The following ATXN2 variants were observed in gnomAD, a reference collection of about 807,000 sequenced individuals.
ATXN2 encodes ataxin-2.
Under a neutral mutation model 138.6 loss-of-function variants are expected in ATXN2, and 37 were observed. That is an observed-to-expected ratio of 0.27 (90% CI 0.21 to 0.35). The LOEUF (loss-of-function observed/expected upper bound fraction) is 0.35, where lower values mean the gene tolerates loss of function less well. Ranked by LOEUF, ATXN2 falls within the 10% of genes least tolerant of loss-of-function variation. The pLI is 1.00. For synonymous variants in ATXN2, 549 were observed against 543.7 expected (o/e 1.01, Z -0.13); for missense variants, 1,216 against 1,480.3 (o/e 0.82, Z 2.93).
intron 21 of ATXN2, 37 bp downstream of exon 21, chr12:111,464,625 T>C: frequency 2.6e-6 from 4 of 1,527,154 alleles, no homozygotes; most frequent in Non-Finnish European, 3.6e-6. Flanking sequence ...AGTGTTTTAC[T>C]GTACAATTAA....
At chr12:111,543,993 G>A (rs1015316892) in intron 5 of ATXN2, among the ~76,000 whole-genome samples, 2 of 152,026 alleles carry the variant, frequency 1.3e-5, no homozygotes, top group East Asian at 1.9e-4. Context: ...TGGGAGAGTC[G>A]CTTGAGCCAG....
chr12:111,586,398 T>G (rs545179860), intron 1 of ATXN2, among the ~76,000 whole-genome samples: 13,701 of 143,594 alleles, frequency 0.095, 2,312 homozygotes, highest in African/African-American at 0.34. Context: ...GTTTTTTTTT[T>G]TTTTTTTTTT....
intron 18 of ATXN2, chr12:111,471,042 C>T: frequency 3.1e-6 from 1 of 317,748 alleles, no homozygotes; most frequent in Non-Finnish European, 6.0e-6. Flanking sequence ...GATCAAGTCC[C>T]TGTAACAGAC....
chr12:111,530,231 C>T (rs1484232064), intron 5 of ATXN2, among the ~76,000 whole-genome samples: 1 of 152,134 alleles, frequency 6.6e-6, no homozygotes, highest in African/African-American at 2.4e-5. Context: ...TAAGTCTGGA[C>T]GAGGTGGGGA....
intron 15 of ATXN2, among the ~76,000 whole-genome samples, chr12:111,488,015 T>C (rs774652158): frequency 2.6e-5 from 4 of 152,200 alleles, no homozygotes; most frequent in Non-Finnish European, 4.4e-5. Context: ...GAATTAAGTC[T>C]ATCTTAACAA....
chr12:111,478,827 T>C (rs145884066), intron 18 of ATXN2, among the ~76,000 whole-genome samples: 8 of 151,746 alleles, frequency 5.3e-5, no homozygotes, highest in Non-Finnish European at 1.0e-4. Flanking sequence ...GCCAACGTGG[T>C]GAAACCCCGT....
At chr12:111,527,144 G>A (rs1880546919) in intron 5 of ATXN2, among the ~76,000 whole-genome samples, 1 of 152,164 alleles carries the variant, frequency 6.6e-6, no homozygotes, top group Non-Finnish European at 1.5e-5. Flanking sequence ...GCTAAATAAA[G>A]GCCCACTGGG....
chr12:111,492,552 C>T (rs905482862), intron 14 of ATXN2, among the ~76,000 whole-genome samples: 4 of 152,034 alleles, frequency 2.6e-5, no homozygotes, highest in South Asian at 4.1e-4. Context: ...CGTGGTGGCA[C>T]GCACCTGTAA....
chr12:111,573,216 G>A (rs956231315), intron 1 of ATXN2, among the ~76,000 whole-genome samples: 10 of 151,584 alleles, frequency 6.6e-5, no homozygotes, highest in African/African-American at 2.2e-4. Flanking sequence ...TTTTTGAGAC[G>A]GAGTCTTGCT....
chr12:111,590,258 C>T (rs1592936216), intron 1 of ATXN2, among the ~76,000 whole-genome samples: 1 of 151,980 alleles, frequency 6.6e-6, no homozygotes, highest in Non-Finnish European at 1.5e-5. Context: ...GTAGATTTCA[C>T]ACCACGTAAG....
intron 1 of ATXN2, among the ~76,000 whole-genome samples, chr12:111,590,554 G>A (rs904981437): frequency 6.6e-6 from 1 of 152,028 alleles, no homozygotes; most frequent in African/African-American, 2.4e-5. Context: ...GCATCACAGT[G>A]TGCGCCTGTA....
intron 5 of ATXN2, among the ~76,000 whole-genome samples, chr12:111,546,688 G>T (rs1331763222): frequency 6.6e-6 from 1 of 152,118 alleles, no homozygotes; most frequent in East Asian, 1.9e-4. Flanking sequence ...ACTGGAAATG[G>T]ATGGAAAATC....
At chr12:111,558,995 A>T (rs1392745176) in intron 1 of ATXN2, among the ~76,000 whole-genome samples, 1 of 151,688 alleles carries the variant, frequency 6.6e-6, no homozygotes, top group Non-Finnish European at 1.5e-5. Context: ...GTGATACAAT[A>T]GGATAGACCT....
intron 5 of ATXN2, among the ~76,000 whole-genome samples, chr12:111,540,153 A>AAACT (rs10680513): frequency 0.1 from 15,420 of 150,422 alleles, 2,760 homozygotes; most frequent in African/African-American, 0.35. Context: ...AATAGAAATT[A>AAACT]GAGATAATTT....
At chr12:111,529,043 G>C (rs1279528816) in intron 5 of ATXN2, among the ~76,000 whole-genome samples, 1 of 151,884 alleles carries the variant, frequency 6.6e-6, no homozygotes, top group Non-Finnish European at 1.5e-5. Flanking sequence ...AATCACTGCA[G>C]CCCTGGGCTC....
chr12:111,487,938 A>C (rs1877750575), intron 15 of ATXN2, among the ~76,000 whole-genome samples: 1 of 152,202 alleles, frequency 6.6e-6, no homozygotes, highest in Non-Finnish European at 1.5e-5. Context: ...CAAACACCTA[A>C]GTCAATGGTA....
chr12:111,475,362 G>A (rs1231527656), intron 18 of ATXN2, among the ~76,000 whole-genome samples: 11 of 117,588 alleles, frequency 9.4e-5, no homozygotes, highest in African/African-American at 2.3e-4. Flanking sequence ...AAAAAAAAAA[G>A]TTACCACAAT....
intron 1 of ATXN2, 108 bp from the exon 2 acceptor site, chr12:111,556,027 T>C: frequency 1.1e-6 from 1 of 889,806 alleles, no homozygotes; most frequent in Non-Finnish European, 1.7e-6. Flanking sequence ...AGGCTATCTG[T>C]GGGGAGAGCT....
chr12:111,537,487 G>A (rs1355543468), intron 5 of ATXN2, among the ~76,000 whole-genome samples: 5 of 151,794 alleles, frequency 3.3e-5, no homozygotes, highest in African/African-American at 9.7e-5. Flanking sequence ...AGAGGCTGAG[G>A]CAGGAGAATC....
Sources: gnomAD v4.1 joint callset for allele counts (sites outside exome capture counted in the v4.1 genomes callset) on GRCh38, gnomAD v4.1.1 for gene constraint, MANE v1.5 for transcripts, NCBI Gene and HGNC (gene_info 2026-07-23, HGNC 2026-07-21) for gene names.